The following CDH13 variants were observed in gnomAD, a reference collection of about 807,000 sequenced individuals.
CDH13 encodes the protein cadherin 13, also known as cadherin-13.
CDH13 carries 24 observed loss-of-function variants against 63.8 expected under a neutral mutation model. The observed-to-expected ratio is 0.38, with a 90% CI of 0.27 to 0.53. CDH13 has a LOEUF of 0.53. CDH13 is among the 20% of genes least tolerant of loss of function. CDH13 has a pLI of 0.85. For missense variants in CDH13, 1,049 were observed against 903.1 expected (o/e 1.16, Z -2.07); for synonymous variants, 503 against 355.3 (o/e 1.42, Z -4.67).
intron 1 of CDH13, among the ~76,000 whole-genome samples, chr16:82,806,876 G>A (rs899194474): frequency 3.3e-5 from 5 of 152,130 alleles, no homozygotes; most frequent in Non-Finnish European, 7.4e-5. Flanking sequence ...AGTGTAAAAG[G>A]AGGAATTTGC....
intron 2 of CDH13, among the ~76,000 whole-genome samples, chr16:82,993,857 G>T (rs1047979669): frequency 3.9e-5 from 6 of 152,186 alleles, no homozygotes; most frequent in Non-Finnish European, 5.9e-5. Flanking sequence ...CTTAACTGCA[G>T]TGGTCACCTG....
intron 7 of CDH13, among the ~76,000 whole-genome samples, chr16:83,557,678 T>C (rs1201429570): frequency 6.6e-6 from 1 of 152,066 alleles, no homozygotes; most frequent in African/African-American, 2.4e-5. Context: ...CTGGGAGGTG[T>C]CTCAGCAGGA....
chr16:82,736,275 A>T, intron 1 of CDH13, among the ~76,000 whole-genome samples: 1 of 152,180 alleles, frequency 6.6e-6, no homozygotes, highest in Non-Finnish European at 1.5e-5. Flanking sequence ...TATTTATATA[A>T]TCCTTGAAAC....
intron 3 of CDH13, among the ~76,000 whole-genome samples, chr16:83,061,729 T>G (rs1244029968): frequency 1.3e-5 from 2 of 152,132 alleles, no homozygotes; most frequent in Non-Finnish European, 2.9e-5. Flanking sequence ...GATAAATATA[T>G]GAAATGAGTA....
rs574865138 is a variant in CDH13, at chr16:82,894,527, A to C, written c.157+36054A>C. On this transcript the variant is annotated intron_variant, in intron 2 of 13. Coordinates refer to ENST00000567109, the MANE Select transcript of CDH13 (RefSeq NM_001257.5). Reference sequence around the variant, plus strand: ...CATGGTGGCGTGCACCTGTAACCCCAGCTACTTGGGAGGCTGAGGCAAGAG... The same window carrying C: ...CATGGTGGCGTGCACCTGTAACCCCCGCTACTTGGGAGGCTGAGGCAAGAG... 1.6e-4 allele frequency among the ~76,000 whole-genome samples: 25 copies of C among 152,292 alleles called. 1 individual carries two copies. The South Asian group carries it at 4.8e-3, about 29-fold the overall frequency.
intron 6 of CDH13, among the ~76,000 whole-genome samples, chr16:83,411,122 C>A (rs12921805): frequency 0.083 from 12,660 of 152,226 alleles, 585 homozygotes; most frequent in Middle Eastern, 0.12. Context: ...AGGGTTCTTT[C>A]TATGGCTTAA....
chr16:83,548,626 A>G (rs918804462), intron 7 of CDH13, among the ~76,000 whole-genome samples: 2 of 152,166 alleles, frequency 1.3e-5, no homozygotes, highest in African/African-American at 4.8e-5. Flanking sequence ...ATGTGGTGTC[A>G]ATGGAGACCA....
chr16:83,424,148 T>G (rs1218303004), intron 6 of CDH13, among the ~76,000 whole-genome samples: 1 of 151,042 alleles, frequency 6.6e-6, no homozygotes. Flanking sequence ...AAATCCAACA[T>G]GGACTGAAAA....
chr16:83,391,484 A>G (rs907366119), intron 6 of CDH13, among the ~76,000 whole-genome samples: 1 of 152,162 alleles, frequency 6.6e-6, no homozygotes, highest in Non-Finnish European at 1.5e-5. Flanking sequence ...GATTACAGGC[A>G]TGAGCCACCG....
chr16:83,071,835 T>C (rs1210290628), intron 3 of CDH13, among the ~76,000 whole-genome samples: 2 of 152,198 alleles, frequency 1.3e-5, no homozygotes, highest in Non-Finnish European at 1.5e-5. Context: ...AGTTTATAAG[T>C]ATGTGAGTTG....
chr16:83,245,958 C>T (rs12716968), intron 5 of CDH13, among the ~76,000 whole-genome samples: 2 of 151,990 alleles, frequency 1.3e-5, no homozygotes, highest in African/African-American at 2.4e-5. Context: ...GCTGGTCTTA[C>T]ACTTTTGAAC....
chr16:82,932,783 G>T (rs539136316), intron 2 of CDH13, among the ~76,000 whole-genome samples: 2 of 152,222 alleles, frequency 1.3e-5, no homozygotes, highest in Non-Finnish European at 1.5e-5. Context: ...AAATAATTTG[G>T]TATGCTGAAA....
intron 8 of CDH13, among the ~76,000 whole-genome samples, chr16:83,629,003 T>C (rs1224840194): frequency 1.3e-5 from 2 of 152,208 alleles, no homozygotes; most frequent in African/African-American, 4.8e-5. Context: ...CTTTGTTGAA[T>C]ACGTAAATTT....
At chr16:83,350,282 C>T (rs977484879) in intron 6 of CDH13, among the ~76,000 whole-genome samples, 2 of 152,214 alleles carry the variant, frequency 1.3e-5, no homozygotes, top group African/African-American at 4.8e-5. Context: ...AGCCCCCCAC[C>T]CTGGACGGGT....
At chr16:83,188,437 C>G (rs1454044069) in intron 4 of CDH13, among the ~76,000 whole-genome samples, 1 of 152,078 alleles carries the variant, frequency 6.6e-6, no homozygotes, top group Non-Finnish European at 1.5e-5. Flanking sequence ...CTCTGCGCCT[C>G]TCTGAACTGT....
At chr16:83,015,596 T>C (rs1041405966) in intron 2 of CDH13, among the ~76,000 whole-genome samples, 4 of 148,352 alleles carry the variant, frequency 2.7e-5, no homozygotes, top group Non-Finnish European at 6.0e-5. Flanking sequence ...TTTAAACATC[T>C]GTGATTCATT....
At chr16:82,685,438 C>T (rs898526809) in intron 1 of CDH13, among the ~76,000 whole-genome samples, 2 of 152,210 alleles carry the variant, frequency 1.3e-5, no homozygotes, top group African/African-American at 4.8e-5. Context: ...GGCCCTGCCT[C>T]CTAACACTAT....
chr16:83,003,874 T>C (rs999252749), intron 2 of CDH13, among the ~76,000 whole-genome samples: 6 of 152,234 alleles, frequency 3.9e-5, no homozygotes, highest in African/African-American at 1.4e-4. Context: ...ATATCTATGA[T>C]GCCTCTCTGT....
intron 1 of CDH13, among the ~76,000 whole-genome samples, chr16:82,839,745 C>G (rs892167631): frequency 6.6e-6 from 1 of 152,216 alleles, no homozygotes; most frequent in African/African-American, 2.4e-5. Flanking sequence ...CAAGGAGACT[C>G]TAGTGTAGTC....
Sources: gnomAD v4.1 joint callset for allele counts (sites outside exome capture counted in the v4.1 genomes callset) on GRCh38, gnomAD v4.1.1 for gene constraint, MANE v1.5 for transcripts, NCBI Gene and HGNC (gene_info 2026-07-23, HGNC 2026-07-21) for gene names.